Variants in BEND6 observed in about 807,000 individuals in gnomAD.
BEND6 encodes the protein BEN domain-containing protein 6.
A neutral mutation model predicts 31.8 loss-of-function variants in BEND6; 24 were observed. That is an observed-to-expected ratio of 0.75 (90% confidence interval 0.55 to 1.06). BEND6 has a LOEUF of 1.06. BEND6 is among the 50% of genes least tolerant of loss of function. The pLI is 0.00. For synonymous variants in BEND6, 109 were observed against 114.6 expected, an observed-to-expected ratio of 0.95 and a Z score of 0.31; for missense variants, 294 against 327.4, an observed-to-expected ratio of 0.90 and a Z score of 0.79.
At chr6:56,970,094 A>G in intron 1 of BEND6, among the ~76,000 whole-genome samples, 1 of 152,168 alleles carries the variant, frequency 6.6e-6, no homozygotes, top group East Asian at 1.9e-4. Flanking sequence ...ATTTTGTTTT[A>G]GTTGCATGTG....
chr6:56,991,214 TG>T, intron 2 of BEND6, among the ~76,000 whole-genome samples: 1 of 152,354 alleles, frequency 6.6e-6, no homozygotes, highest in African/African-American at 2.4e-5. Flanking sequence ...CAGTCAAGTT[TG>T]TTTTTTACTT....
intron 1 of BEND6, among the ~76,000 whole-genome samples, chr6:56,957,752 A>T (rs537992573): frequency 2.6e-5 from 4 of 152,312 alleles, no homozygotes; most frequent in African/African-American, 9.6e-5. Flanking sequence ...TTATGAGAGT[A>T]AGTTATCATT....
chr6:56,995,710 G>A (rs1174014537), intron 3 of BEND6, among the ~76,000 whole-genome samples: 2 of 152,016 alleles, frequency 1.3e-5, no homozygotes, highest in East Asian at 3.9e-4. Flanking sequence ...AACACCAGTC[G>A]CATTATATTA....
chr6:57,011,729 A>G (rs1039002592), intron 3 of BEND6, among the ~76,000 whole-genome samples: 6 of 147,892 alleles, frequency 4.1e-5, no homozygotes, highest in South Asian at 2.1e-4. Context: ...AAAAAAAAAA[A>G]AAAAAAGAAA....
At chr6:57,022,164 C>CT (rs57185788) in intron 6 of BEND6, among the ~76,000 whole-genome samples, 11,657 of 111,150 alleles carry the variant, frequency 0.1, 503 homozygotes, top group Non-Finnish European at 0.13. Flanking sequence ...TTTTCTTTTT[C>CT]TTTTTTTTTT....
intron 3 of BEND6, among the ~76,000 whole-genome samples, chr6:56,994,818 G>A (rs775101552): frequency 1.3e-5 from 2 of 152,112 alleles, no homozygotes; most frequent in Admixed American, 1.3e-4. Flanking sequence ...TAAATAAAGA[G>A]TGCCAATCAG....
chr6:57,011,715 C>CAAAAA (rs770049459), intron 3 of BEND6, among the ~76,000 whole-genome samples: 13 of 33,948 alleles, frequency 3.8e-4, no homozygotes, highest in African/African-American at 9.5e-4. Context: ...GGCCCTGTCT[C>CAAAAA]AAAAAAAAAA....
intron 1 of BEND6, among the ~76,000 whole-genome samples, chr6:56,977,508 G>C (rs1283816184): frequency 6.6e-6 from 1 of 152,132 alleles, no homozygotes; most frequent in African/African-American, 2.4e-5. Flanking sequence ...CAAATTTACG[G>C]GACTTATGAA....
At position 56,986,075 on chromosome 6, in the gene BEND6, A is replaced by G. The variant is rs892279514; in HGVS notation, c.120+4145A>G. 7.2e-5 allele frequency among the ~76,000 whole-genome samples: 11 copies of G among 152,252 alleles called. 1 individual carries two copies. The South Asian group carries it at 2.3e-3, about 32-fold the overall frequency. On this transcript the variant is annotated intron_variant, in intron 2 of 6. Coordinates refer to ENST00000370746, the MANE Select transcript of BEND6 (RefSeq NM_152731.3). ...ATTATGGTATCAATAGGCTATCTTC[A>G]GTTTTTAAAAATTTCTTATTTCTAT...
chr6:56,983,771 T>TA (rs1425080050), intron 2 of BEND6, among the ~76,000 whole-genome samples: 1 of 152,194 alleles, frequency 6.6e-6, no homozygotes, highest in Non-Finnish European at 1.5e-5. Flanking sequence ...TACCTATCTA[T>TA]ATTGCTATAT....
At chr6:56,988,979 C>T (rs113038811) in intron 2 of BEND6, among the ~76,000 whole-genome samples, 65 of 151,906 alleles carry the variant, frequency 4.3e-4, no homozygotes, top group African/African-American at 1.4e-3. Flanking sequence ...TGCAGTGAGC[C>T]GAGATCGTGC....
At chr6:56,997,696 G>C (rs992994105) in intron 3 of BEND6, among the ~76,000 whole-genome samples, 12 of 152,258 alleles carry the variant, frequency 7.9e-5, no homozygotes, top group African/African-American at 2.9e-4. Context: ...TGGGACTACA[G>C]GTGCCTGCCA....
intron 1 of BEND6, among the ~76,000 whole-genome samples, chr6:56,965,577 T>C (rs1277961896): frequency 6.6e-6 from 1 of 151,364 alleles, no homozygotes; most frequent in Non-Finnish European, 1.5e-5. Flanking sequence ...TCAGAGGATC[T>C]CTTGAGCCTA....
At chr6:57,017,429 A>G (rs764069099) in intron 5 of BEND6, 30 bp downstream of exon 5, 4 of 1,293,182 alleles carry the variant, frequency 3.1e-6, no homozygotes, top group Admixed American at 6.1e-5. Context: ...ATATTGTCGT[A>G]TGAATTTTAA....
At chr6:56,994,197 C>T (rs1183555133) in intron 3 of BEND6, among the ~76,000 whole-genome samples, 8 of 151,860 alleles carry the variant, frequency 5.3e-5, no homozygotes, top group South Asian at 2.1e-4. Context: ...CAGTGGCTCA[C>T]GCCTGTAATT....
intron 1 of BEND6, among the ~76,000 whole-genome samples, chr6:56,966,048 T>C (rs551194095): frequency 7.9e-5 from 12 of 152,310 alleles, no homozygotes; most frequent in Admixed American, 2.0e-4. Flanking sequence ...AACTTGTAAT[T>C]GATTTTACTC....
chr6:57,018,569 A>T lies in BEND6; in HGVS notation c.*9+12A>T. ...AATAGATCCTTTTGGTAAGTCTTTT[A>T]AATCTTCAGTCCTTTCAATGTGGCA... On this transcript the variant is annotated intron_variant, in intron 6 of 6. Coordinates refer to ENST00000370746, the MANE Select transcript of BEND6 (RefSeq NM_152731.3). 1 of 1,500,542 alleles carries T rather than the reference A, an allele frequency of 6.7e-7. No individual in the cohort carries two copies. Among genetic ancestry groups the T allele is most frequent in the African/African-American group, 1.4e-5 (1 of 69,198 alleles). 93.0% of individuals were successfully genotyped at this position (1,500,542 alleles called of 1,614,324 possible).
chr6:57,017,297 G>C lies in BEND6; in HGVS notation c.610G>C (p.Glu204Gln), dbSNP rs1827596930. The part of the protein sequence containing the change: ...NDLMQVLYTN[E>Q]YMATHSLTGA... ...TTTAATGCAAGTACTTTACACAAAT[G>C]AATACATGGCCACTCACAGCCTGAC... is the stretch of plus-strand genomic sequence containing the variant. Residue 204 changes from glutamate to glutamine, a missense_variant, in exon 5 of 7, where the codon GAA becomes CAA. Glu to Gln is a conservative substitution (Grantham distance 29). Coordinates refer to ENST00000370746, the MANE Select transcript of BEND6 (RefSeq NM_152731.3). 6.5e-7 allele frequency: 1 copy of C among 1,528,796 alleles called. No homozygotes were observed. The highest frequency in any genetic ancestry group is 8.8e-7 in the Non-Finnish European group (1 of 1,137,398). The allele number at this position is 1,528,796 out of a possible 1,614,324, so 94.7% of individuals were successfully genotyped here.
chr6:57,024,844 C>T (rs1185056420), intron 6 of BEND6, among the ~76,000 whole-genome samples: 2 of 152,130 alleles, frequency 1.3e-5, no homozygotes, highest in African/African-American at 2.4e-5. Flanking sequence ...AATAAGTCTT[C>T]GATTTGGTCT....
Sources: gnomAD v4.1 joint callset for allele counts (sites outside exome capture counted in the v4.1 genomes callset) on GRCh38, gnomAD v4.1.1 for gene constraint, MANE v1.5 for transcripts, NCBI Gene and HGNC (gene_info 2026-07-23, HGNC 2026-07-21) for gene names.